The following KCNMA1 variants were observed in gnomAD, a reference collection of about 807,000 sequenced individuals.
KCNMA1 encodes the protein potassium calcium-activated channel subfamily M alpha 1, also known as Calcium-activated potassium channel subunit alpha-1.
In KCNMA1, 29 loss-of-function variants were observed where a neutral mutation model predicts 140.0. That is an observed-to-expected ratio of 0.21 (90% CI 0.15 to 0.28). The LOEUF (loss-of-function observed/expected upper bound fraction) is 0.28, where lower values mean the gene tolerates loss of function less well. KCNMA1 is among the 10% of genes least tolerant of loss of function. KCNMA1 has a pLI of 1.00. For synonymous variants in KCNMA1, 612 were observed against 611.9 expected, an observed-to-expected ratio of 1.00 and a Z score of 0.00; for missense variants, 880 against 1,602.2, an observed-to-expected ratio of 0.55 and a Z score of 7.70.
intron 5 of KCNMA1, among the ~76,000 whole-genome samples, chr10:77,150,791 TTC>T (rs1383018118): frequency 6.6e-6 from 1 of 152,230 alleles, no homozygotes; most frequent in Non-Finnish European, 1.5e-5. Context: ...TTTCTGGTGA[TTC>T]TAAGTAGGTT....
At chr10:76,993,608 C>T (rs574756486) in intron 19 of KCNMA1, among the ~76,000 whole-genome samples, 1 of 152,212 alleles carries the variant, frequency 6.6e-6, no homozygotes, top group African/African-American at 2.4e-5. Context: ...ACAACAGGCT[C>T]CCCTCTGTTT....
At chr10:77,124,763 G>A (rs1432884715) in intron 5 of KCNMA1, among the ~76,000 whole-genome samples, 1 of 152,194 alleles carries the variant, frequency 6.6e-6, no homozygotes, top group African/African-American at 2.4e-5. Context: ...GATCAAGCCA[G>A]ACTATCTGGA....
intron 1 of KCNMA1, among the ~76,000 whole-genome samples, chr10:77,461,734 T>C (rs1458378862): frequency 2.0e-5 from 3 of 152,144 alleles, no homozygotes; most frequent in African/African-American, 7.2e-5. Flanking sequence ...ATATCCAGCA[T>C]GGGCCCAGGC....
chr10:77,207,145 A>T (rs1175263093), intron 3 of KCNMA1, among the ~76,000 whole-genome samples: 1 of 151,994 alleles, frequency 6.6e-6, no homozygotes, highest in East Asian at 1.9e-4. Context: ...TTTTTTCTAG[A>T]TTATGTGAAG....
chr10:76,931,917 C>T (rs954370137), intron 23 of KCNMA1, among the ~76,000 whole-genome samples: 7 of 152,144 alleles, frequency 4.6e-5, no homozygotes, highest in Non-Finnish European at 1.0e-4. Flanking sequence ...GTAATTCTGG[C>T]TGCTAGGTAC....
chr10:77,047,950 G>T (rs1211889767), intron 14 of KCNMA1, among the ~76,000 whole-genome samples: 1 of 152,078 alleles, frequency 6.6e-6, no homozygotes, highest in East Asian at 1.9e-4. Context: ...CCAGGGTTTA[G>T]CTTTTATTTC....
At chr10:77,307,072 A>C (rs981591162) in intron 2 of KCNMA1, among the ~76,000 whole-genome samples, 2 of 152,192 alleles carry the variant, frequency 1.3e-5, no homozygotes, top group South Asian at 4.1e-4. Flanking sequence ...AGAACACATG[A>C]GGTAGAATCC....
intron 5 of KCNMA1, among the ~76,000 whole-genome samples, chr10:77,172,417 G>A (rs970675426): frequency 1.1e-4 from 17 of 152,138 alleles, no homozygotes; most frequent in African/African-American, 2.4e-4. Context: ...TATTTAAAGC[G>A]TGTCCCTGAC....
At chr10:77,113,166 A>G (rs910498013) in intron 6 of KCNMA1, among the ~76,000 whole-genome samples, 1 of 152,034 alleles carries the variant, frequency 6.6e-6, no homozygotes, top group Non-Finnish European at 1.5e-5. Context: ...CAGAGAGTAA[A>G]TATTTTAGGC....
intron 5 of KCNMA1, among the ~76,000 whole-genome samples, chr10:77,126,787 C>A (rs1456772067): frequency 7.0e-6 from 1 of 143,458 alleles, no homozygotes; most frequent in Non-Finnish European, 1.5e-5. Flanking sequence ...AGCTGCCTTG[C>A]CTCAATTTGG....
chr10:77,101,747 A>G (rs989514321), intron 9 of KCNMA1, among the ~76,000 whole-genome samples: 4 of 152,224 alleles, frequency 2.6e-5, no homozygotes, highest in African/African-American at 9.6e-5. Context: ...GACATTTTAT[A>G]GGAAACACCC....
At chr10:77,011,452 T>C (rs1307732864) in intron 18 of KCNMA1, among the ~76,000 whole-genome samples, 1 of 152,180 alleles carries the variant, frequency 6.6e-6, no homozygotes, top group African/African-American at 2.4e-5. Context: ...AGTTCTTTTC[T>C]TGGGGGCAGT....
At chr10:77,083,609 T>C (rs1447247670) in intron 12 of KCNMA1, among the ~76,000 whole-genome samples, 2 of 151,060 alleles carry the variant, frequency 1.3e-5, no homozygotes, top group African/African-American at 2.4e-5. Flanking sequence ...GAGGATCACT[T>C]GAGGTTAGGA....
At chr10:76,962,511 A>G (rs541926817) in intron 20 of KCNMA1, among the ~76,000 whole-genome samples, 32 of 152,280 alleles carry the variant, frequency 2.1e-4, no homozygotes, top group Middle Eastern at 3.4e-3. Flanking sequence ...TACTGACTTT[A>G]TTGAGCATCT....
intron 1 of KCNMA1, among the ~76,000 whole-genome samples, chr10:77,516,600 G>T (rs1456523412): frequency 6.6e-6 from 1 of 152,260 alleles, no homozygotes; most frequent in Non-Finnish European, 1.5e-5. Flanking sequence ...CGTTCCAAAA[G>T]CTCTGCATGC....
intron 5 of KCNMA1, among the ~76,000 whole-genome samples, chr10:77,142,231 C>A (rs527399509): frequency 3.3e-5 from 5 of 151,556 alleles, no homozygotes; most frequent in African/African-American, 1.2e-4. Context: ...ATTAGCCGGG[C>A]GTGGTGGCAG....
Position 77,333,415 on chromosome 10 carries a change from GAAAAGAAAGAGAAGAAAAGA to G in KCNMA1, c.540+70427_540+70446del, listed in dbSNP as rs199551837. 1.8e-3 allele frequency among the ~76,000 whole-genome samples: 241 copies of G among 137,642 alleles called. 2 individuals are homozygous for G. Among genetic ancestry groups the G allele is most frequent in the African/African-American group, 5.6e-3 (216 of 38,728 alleles). The allele number at this position is 137,642 out of a possible 152,430, so 90.3% of individuals were successfully genotyped here. ...AAGAAAGAAAGAAAAGAAAAGAAAA[GAAAAGAAAGAGAAGAAAAGA>G]AAAGAGAAGAAAAGAAAAGAAAAGG... is the stretch of plus-strand genomic sequence containing the variant. On this transcript the variant is annotated intron_variant, in intron 2 of 27. Coordinates refer to ENST00000286628, the MANE Select transcript of KCNMA1 (RefSeq NM_001161352.2).
At chr10:77,553,714 C>T (rs2063411668) in intron 1 of KCNMA1, among the ~76,000 whole-genome samples, 1 of 152,230 alleles carries the variant, frequency 6.6e-6, no homozygotes, top group African/African-American at 2.4e-5. Flanking sequence ...TGAACCCACC[C>T]CAGGTTCAAG....
chr10:76,906,127 C>A (rs2047738167), intron 25 of KCNMA1, among the ~76,000 whole-genome samples: 1 of 152,204 alleles, frequency 6.6e-6, no homozygotes, highest in African/African-American at 2.4e-5. Flanking sequence ...AGATCTAAGC[C>A]ATCTGGCGCT....
Sources: allele counts gnomAD v4.1 joint callset (sites outside exome capture counted in the v4.1 genomes callset), GRCh38; gene constraint gnomAD v4.1.1; transcripts MANE v1.5; gene names NCBI Gene and HGNC (gene_info 2026-07-23, HGNC 2026-07-21).